Variants in PRELID2 observed in about 807,000 individuals in gnomAD.
PRELID2 encodes PRELI domain-containing protein 2.
A neutral mutation model predicts 28.4 loss-of-function variants in PRELID2; 25 were observed. The observed-to-expected ratio is 0.88, with a 90% CI of 0.64 to 1.23. The LOEUF is 1.23. PRELID2 is among the 50% of genes most tolerant of loss of function. The pLI, the probability that PRELID2 is intolerant of heterozygous loss-of-function variation, is 0.00. For missense variants in PRELID2, 201 were observed against 214.4 expected, an observed-to-expected ratio of 0.94 and a Z score of 0.39; for synonymous variants, 76 against 71.6, an observed-to-expected ratio of 1.06 and a Z score of -0.31.
the PRELID2 span, among the ~76,000 whole-genome samples, chr5:145,235,742 T>G: frequency 6.6e-6 from 1 of 152,094 alleles, no homozygotes; most frequent in African/African-American, 2.4e-5. Context: ...GATAAGACGG[T>G]AAGCTTTGCA....
At chr5:145,419,038 G>T in the PRELID2 span, among the ~76,000 whole-genome samples, 3 of 150,566 alleles carry the variant, frequency 2.0e-5, no homozygotes, top group Non-Finnish European at 4.4e-5. Context: ...TTTCATCCAT[G>T]TCCCTACAAA....
At chr5:145,624,102 G>T (rs1753812339) in intron 1 of PRELID2, among the ~76,000 whole-genome samples, 2 of 152,084 alleles carry the variant, frequency 1.3e-5, no homozygotes, top group African/African-American at 4.8e-5. Context: ...TATAACCTGG[G>T]GACATCCAAA....
chr5:145,424,066 A>T, the PRELID2 span, among the ~76,000 whole-genome samples: 1 of 151,006 alleles, frequency 6.6e-6, no homozygotes, highest in East Asian at 2.0e-4. Flanking sequence ...GGGGTCAGGG[A>T]CCCACTTGAG....
chr5:145,323,917 A>G, the PRELID2 span, among the ~76,000 whole-genome samples: 2,377 of 152,306 alleles, frequency 0.016, 35 homozygotes, highest in Non-Finnish European at 0.019. Flanking sequence ...TAGTGCTGTC[A>G]TGAACATACA....
At chr5:145,560,734 T>C (rs1051787489) in intron 1 of PRELID2, among the ~76,000 whole-genome samples, 27 of 152,226 alleles carry the variant, frequency 1.8e-4, no homozygotes, top group African/African-American at 6.3e-4. Flanking sequence ...AGAAAGACAC[T>C]GCAAAGAGAT....
At chr5:145,711,487 C>T (rs553341940) in intron 1 of PRELID2, among the ~76,000 whole-genome samples, 5 of 152,192 alleles carry the variant, frequency 3.3e-5, no homozygotes, top group African/African-American at 9.6e-5. Flanking sequence ...GCTAAGTGAG[C>T]GCTATCATGA....
chr5:145,393,527 T>C, the PRELID2 span, among the ~76,000 whole-genome samples: 2,247 of 152,284 alleles, frequency 0.015, 54 homozygotes, highest in African/African-American at 0.051. Context: ...GTAACATTTA[T>C]GGACAGAAAA....
chr5:145,736,969 C>T (rs535202269), intron 1 of PRELID2, among the ~76,000 whole-genome samples: 6 of 151,478 alleles, frequency 4.0e-5, no homozygotes, highest in Non-Finnish European at 8.8e-5. Flanking sequence ...CAGGAGAAGA[C>T]CTCAGGAACA....
the PRELID2 span, among the ~76,000 whole-genome samples, chr5:145,434,254 A>G: frequency 1.3e-5 from 2 of 152,290 alleles, no homozygotes; most frequent in East Asian, 1.9e-4. Flanking sequence ...AAGAGCACAC[A>G]CTGCTACTAA....
At chr5:145,724,792 G>A (rs1174617546) in intron 1 of PRELID2, among the ~76,000 whole-genome samples, 2 of 148,332 alleles carry the variant, frequency 1.3e-5, no homozygotes, top group Non-Finnish European at 3.0e-5. Context: ...CACTCAGGCT[G>A]GAGTGAAGTG....
intron 1 of PRELID2, among the ~76,000 whole-genome samples, chr5:145,604,164 G>A (rs1036096557): frequency 5.9e-5 from 9 of 152,082 alleles, no homozygotes; most frequent in Admixed American, 2.6e-4. Context: ...TGTGTGTCAC[G>A]AGGGTCTGAT....
chr5:145,534,541 G>C (rs1488203632), intron 1 of PRELID2, among the ~76,000 whole-genome samples: 1 of 151,976 alleles, frequency 6.6e-6, no homozygotes, highest in Non-Finnish European at 1.5e-5. Context: ...CATGGGCTGT[G>C]GAGTAAGGCA....
chr5:145,257,820 C>T, the PRELID2 span, among the ~76,000 whole-genome samples: 18 of 152,118 alleles, frequency 1.2e-4, no homozygotes, highest in African/African-American at 2.9e-4. Flanking sequence ...GGTTTTCATA[C>T]GTGTTCCCAC....
chr5:145,553,742 C>G (rs1752856940), intron 1 of PRELID2, among the ~76,000 whole-genome samples: 1 of 152,032 alleles, frequency 6.6e-6, no homozygotes, highest in Non-Finnish European at 1.5e-5. Context: ...CACCAGACAT[C>G]AAAGGTTTTA....
chr5:145,424,471 A>G, the PRELID2 span, among the ~76,000 whole-genome samples: 1 of 152,324 alleles, frequency 6.6e-6, no homozygotes, highest in Non-Finnish European at 1.5e-5. Flanking sequence ...GGAAAAGCGC[A>G]GTATTCGGGT....
chr5:145,696,442 TA>T (rs1465231156), intron 1 of PRELID2, among the ~76,000 whole-genome samples: 1 of 152,144 alleles, frequency 6.6e-6, no homozygotes, highest in Admixed American at 6.5e-5. Flanking sequence ...TTGACCTACC[TA>T]AACATTCCAG....
intron 1 of PRELID2, among the ~76,000 whole-genome samples, chr5:145,736,447 CTATT>C (rs1372524628): frequency 6.6e-6 from 1 of 152,110 alleles, no homozygotes; most frequent in African/African-American, 2.4e-5. Flanking sequence ...CCTCAAGTGA[CTATT>C]TGAATTCAAA....
the PRELID2 span, among the ~76,000 whole-genome samples, chr5:145,406,173 T>C: frequency 6.6e-6 from 1 of 152,112 alleles, no homozygotes; most frequent in South Asian, 2.1e-4. Context: ...CAACATGAGA[T>C]TTAGGGGGGG....
At chr5:145,551,648 C>G (rs148705844) in intron 1 of PRELID2, among the ~76,000 whole-genome samples, 6 of 152,100 alleles carry the variant, frequency 3.9e-5, no homozygotes, top group African/African-American at 1.4e-4. Context: ...AAACATGTTA[C>G]GAGAGAAATG....
Sources: allele counts gnomAD v4.1 joint callset (sites outside exome capture counted in the v4.1 genomes callset), GRCh38; gene constraint gnomAD v4.1.1; transcripts MANE v1.5; gene names NCBI Gene and HGNC (gene_info 2026-07-23, HGNC 2026-07-21).